The following DMXL2 variants were observed in gnomAD, a reference collection of about 807,000 sequenced individuals.
The protein encoded by DMXL2 is Dmx like 2.
A neutral mutation model predicts 331.1 loss-of-function variants in DMXL2; 103 were observed. The ratio of observed to expected loss-of-function variants is 0.31; its 90% CI spans 0.27 to 0.37. The LOEUF is 0.37. DMXL2 is among the 10% of genes least tolerant of loss of function. The pLI is 1.00. For missense variants in DMXL2, 3,171 were observed against 3,642.9 expected, an observed-to-expected ratio of 0.87 and a Z score of 3.33; for synonymous variants, 1,281 against 1,252.1, an observed-to-expected ratio of 1.02 and a Z score of -0.49.
At chr15:51,469,468 AG>A (rs901855099) in intron 29 of DMXL2, among the ~76,000 whole-genome samples, 3 of 152,222 alleles carry the variant, frequency 2.0e-5, no homozygotes, top group African/African-American at 7.2e-5. Context: ...TAATGTTAAC[AG>A]AAAAAAAACT....
At chr15:51,457,608 T>C (rs2039746237) in intron 36 of DMXL2, 142 bp from the exon 37 acceptor site, 1 of 921,790 alleles carries the variant, frequency 1.1e-6, no homozygotes, top group Non-Finnish European at 1.6e-6. Flanking sequence ...GTACAAGTCC[T>C]AATCGCCAAT....
chr15:51,505,777 T>G (rs534796319), intron 16 of DMXL2, among the ~76,000 whole-genome samples: 8 of 152,374 alleles, frequency 5.3e-5, no homozygotes, highest in Non-Finnish European at 1.0e-4. Context: ...ATTCTTTCAC[T>G]GTATTAAATG....
chr15:51,559,189 G>A (rs74013302), intron 6 of DMXL2, among the ~76,000 whole-genome samples: 99 of 152,272 alleles, frequency 6.5e-4, no homozygotes, highest in African/African-American at 2.4e-3. Context: ...ATACCATTAA[G>A]AGAATGAATG....
At position 51,622,526 on chromosome 15, in the gene DMXL2, A is replaced by C; in HGVS notation, c.20T>G (p.Leu7Arg). Residue 7 changes from leucine to arginine, a missense_variant, in exon 1 of 44, where the codon CTC becomes CGC. Physicochemically the swap from Leu to Arg is moderately radical, Grantham distance 102. Around this residue, in one of 7 missense-constraint regions of DMXL2, gnomAD observed 1,674 missense variants for 1,780.2 expected, o/e 0.94. Coordinates refer to ENST00000560891, the MANE Select transcript of DMXL2 (RefSeq NM_001378457.1). ...GTCTCCAGGGTTGACAGCTCCGGTG[A>C]GGACCTGATGCAGATGCATCTCCGG... MHLHQV[L>R]TGAVNPGDNC... 6.4e-7 allele frequency: 1 copy of C among 1,560,598 alleles called. No homozygotes were observed. The highest frequency in any genetic ancestry group is 8.7e-7 in the Non-Finnish European group (1 of 1,151,842).
intron 19 of DMXL2, among the ~76,000 whole-genome samples, chr15:51,494,232 G>A (rs959882302): frequency 6.6e-6 from 1 of 152,172 alleles, no homozygotes; most frequent in Non-Finnish European, 1.5e-5. Flanking sequence ...CAGAATCTCA[G>A]ATAGCTATTT....
At chr15:51,465,116 C>G (rs1283632120) in intron 31 of DMXL2, among the ~76,000 whole-genome samples, 4 of 152,158 alleles carry the variant, frequency 2.6e-5, no homozygotes, top group Admixed American at 2.6e-4. Flanking sequence ...TAGACTGAAG[C>G]CAGGTGTGGT....
chr15:51,493,811 T>G (rs2042968868), intron 19 of DMXL2, among the ~76,000 whole-genome samples: 1 of 152,352 alleles, frequency 6.6e-6, no homozygotes, highest in East Asian at 1.9e-4. Context: ...GAGATACCAT[T>G]TTAAAAACCT....
chr15:51,604,838 A>C (rs1194075942), intron 1 of DMXL2, among the ~76,000 whole-genome samples: 1 of 152,238 alleles, frequency 6.6e-6, no homozygotes, highest in Non-Finnish European at 1.5e-5. Context: ...CTCAATTATA[A>C]GACTTACCAT....
chr15:51,528,845 A>T (rs2047835698), intron 13 of DMXL2, among the ~76,000 whole-genome samples: 1 of 152,220 alleles, frequency 6.6e-6, no homozygotes, highest in Non-Finnish European at 1.5e-5. Flanking sequence ...TCTCGAGGAC[A>T]GACCATACGT....
rs1311632692 is a variant in DMXL2 at position 51,499,772 on chromosome 15, G to A, written c.3452C>T (p.Ser1151Leu). Residue 1151 changes from serine (S) to leucine (L), a missense_variant, in exon 18 of 44, where the codon TCA (serine) becomes TTA (leucine). Ser to Leu is a moderately radical substitution (Grantham distance 145). Coordinates refer to ENST00000560891, the MANE Select transcript of DMXL2 (RefSeq NM_001378457.1). ...TCTATCCTTGCTCAAGAGTGCATCT[G>A]ACTTGCTATACACAAACAGATTACT... Reference protein sequence around the residue: ...VDSNLFVYSKSDALLSKDRYL... With the variant: ...VDSNLFVYSKLDALLSKDRYL... 1.2e-6 allele frequency: 2 copies of A among 1,614,132 alleles called. No homozygotes were observed. The highest frequency in any genetic ancestry group is 1.6e-4 in the Middle Eastern group (1 of 6,062).
chr15:51,480,201 C>A lies in DMXL2; in HGVS notation c.6565-62G>T, dbSNP rs533351342. The stretch of plus-strand genomic sequence containing the variant: ...TTAAAAAATTTTATCAGTTCTCTGA[C>A]AGAAATACTGGTGATAAACATTGTG... On this transcript the variant is annotated intron_variant, in intron 24 of 43. Transcript: ENST00000560891. 234 of 1,389,808 alleles carry A rather than the reference C, an allele frequency of 1.7e-4. No homozygotes were observed. The African/African-American group carries it at 3.1e-3, about 18-fold the overall frequency. 86.1% of individuals were successfully genotyped at this position (1,389,808 alleles called of 1,614,324 possible).
chr15:51,560,074 T>C (rs1162162192), intron 6 of DMXL2, among the ~76,000 whole-genome samples: 1 of 152,202 alleles, frequency 6.6e-6, no homozygotes, highest in Non-Finnish European at 1.5e-5. Flanking sequence ...CAGTAAATGT[T>C]ATTGAGACAA....
At position 51,450,148 on chromosome 15, in the gene DMXL2, G is replaced by A. The variant is rs777318215; in HGVS notation, c.8948C>T (p.Ser2983Leu). ...DPYEEYFTTG[S>L]AEGNIKVWRL... ...ACTCACCTTTATGTTACCTTCTGCT[G>A]AACCTGTGGTAAAATATTCCTCATA... The change falls in exon 43 of 44, where the codon TCA (serine) becomes TTA (leucine). Residue 2983 changes from serine (S) to leucine (L), a missense_variant. By Grantham distance (145) the Ser-to-Leu change is moderately radical. Transcript: ENST00000560891. 1 of 1,613,864 alleles carries A rather than the reference G, an allele frequency of 6.2e-7. No homozygotes were observed. The highest frequency in any genetic ancestry group is 8.5e-7 in the Non-Finnish European group (1 of 1,179,952).
chr15:51,475,593 T>C (rs2041509002), intron 27 of DMXL2, among the ~76,000 whole-genome samples: 1 of 152,040 alleles, frequency 6.6e-6, no homozygotes, highest in African/African-American at 2.4e-5. Flanking sequence ...CTGGTACTCT[T>C]CAAAAGTGTC....
intron 1 of DMXL2, among the ~76,000 whole-genome samples, chr15:51,603,089 A>G (rs1168862808): frequency 6.6e-6 from 1 of 152,214 alleles, no homozygotes; most frequent in Non-Finnish European, 1.5e-5. Flanking sequence ...AAAGAAGAGT[A>G]AAACAATTCC....
intron 1 of DMXL2, among the ~76,000 whole-genome samples, chr15:51,591,314 C>T (rs528167797): frequency 6.6e-6 from 1 of 152,340 alleles, no homozygotes; most frequent in East Asian, 1.9e-4. Context: ...GGGTCCTACG[C>T]CCACAGAGCC....
At position 51,499,048 on chromosome 15, in the gene DMXL2, C is replaced by T. The variant is rs2043390723; in HGVS notation, c.4176G>A (p.Lys1392=). 1.2e-6 allele frequency: 2 copies of T among 1,613,958 alleles called. No homozygotes were observed. Among genetic ancestry groups the T allele is most frequent in the Non-Finnish European group, 1.7e-6 (2 of 1,180,022 alleles). The stretch of plus-strand genomic sequence containing the variant: ...CACTAATAGTTCGAGAGAGATGTCG[C>T]TTAGTTCCTTCTCCAGCATCAGGAT... ...VRDPDAGEGT[K]RHLSRTISVS... Residue 1392 remains lysine (K), a synonymous_variant, in exon 18 of 44, where the codon AAG becomes AAA. Transcript: ENST00000560891.
chr15:51,455,924 T>A, intron 39 of DMXL2, 142 bp downstream of exon 39: 3 of 901,770 alleles, frequency 3.3e-6, no homozygotes, highest in Non-Finnish European at 5.1e-6. Flanking sequence ...GAAAAGAGAG[T>A]GTATGAATAG....
chr15:51,467,916 C>T (rs1260445633), intron 29 of DMXL2, among the ~76,000 whole-genome samples: 2 of 151,986 alleles, frequency 1.3e-5, no homozygotes, highest in African/African-American at 2.4e-5. Flanking sequence ...TTAGTAGAGA[C>T]GGGGTTTCAC....
Sources: allele counts gnomAD v4.1 joint callset (sites outside exome capture counted in the v4.1 genomes callset), GRCh38; gene constraint gnomAD v4.1.1; regional missense constraint gnomAD v4.1.1; transcripts MANE v1.5; gene names NCBI Gene and HGNC (gene_info 2026-07-23, HGNC 2026-07-21).